Variants in RAB4A observed in about 807,000 individuals in gnomAD.
The protein encoded by RAB4A is RAB4A, member RAS oncogene family.
RAB4A carries 20 observed loss-of-function variants against 34.5 expected under a neutral mutation model. The observed-to-expected ratio is 0.58, with a 90% confidence interval of 0.41 to 0.84. The LOEUF is 0.84. Ranked by LOEUF, RAB4A falls within the 40% of genes least tolerant of loss-of-function variation. The probability of loss-of-function intolerance (pLI) is 0.00; values close to 1 mark genes in which losing one functional copy is unlikely to be tolerated. For missense variants in RAB4A, 228 were observed against 274.5 expected, an observed-to-expected ratio of 0.83 and a Z score of 1.20; for synonymous variants, 102 against 100.0, an observed-to-expected ratio of 1.02 and a Z score of -0.12.
Position 229,295,920 on chromosome 1 carries a change from G to A in RAB4A, c.290+10G>A. The A allele has an allele frequency of 6.2e-7, 1 of 1,613,992 alleles. No individual in the cohort carries two copies. The highest frequency in any genetic ancestry group is 1.3e-5 in the African/African-American group (1 of 75,044). On this transcript the variant is annotated intron_variant, in intron 4 of 7. Coordinates refer to ENST00000366690, the MANE Select transcript of RAB4A (RefSeq NM_004578.4). ...TCTATGATATCACCAGGTAATGCCA[G>A]CTCCCCCTGGTGAAGGAGGGTGCTC...
At chr1:229,300,642 G>A (rs1185259439) in intron 6 of RAB4A, among the ~76,000 whole-genome samples, 1 of 152,118 alleles carries the variant, frequency 6.6e-6, no homozygotes, top group Non-Finnish European at 1.5e-5. Flanking sequence ...GGAGAAGCAG[G>A]GAATGTGAGG....
chr1:229,274,798 C>T (rs1397937652), intron 1 of RAB4A, among the ~76,000 whole-genome samples: 1 of 152,188 alleles, frequency 6.6e-6, no homozygotes, highest in African/African-American at 2.4e-5. Flanking sequence ...AGTGCTGGGG[C>T]AGTTCGAGAG....
intron 6 of RAB4A, among the ~76,000 whole-genome samples, chr1:229,301,796 T>G (rs1202165539): frequency 1.3e-5 from 2 of 152,160 alleles, no homozygotes; most frequent in Non-Finnish European, 2.9e-5. Flanking sequence ...CACGCCTTGC[T>G]TTTTTACTTA....
intron 3 of RAB4A, among the ~76,000 whole-genome samples, chr1:229,290,715 A>G (rs1445349849): frequency 6.6e-6 from 1 of 152,234 alleles, no homozygotes; most frequent in Non-Finnish European, 1.5e-5. Context: ...AAGAGCAGAG[A>G]TTGCATTGGA....
In RAB4A at chr1:229,277,999, G is replaced by A. The variant is rs1656692585; in HGVS notation, c.31+6629G>A. Among the ~76,000 whole-genome samples the A allele has an allele frequency of 1.4e-5, 2 of 148,136 alleles. 1 individual carries two copies. Among genetic ancestry groups the A allele is most frequent in the African/African-American group, 5.3e-5 (2 of 37,704 alleles). On this transcript the variant is annotated intron_variant, in intron 1 of 7. Transcript: ENST00000366690. ...CGTGCCTCAGCCTCCTGAGTCGCTGGGATTACAAGTGTGCGCCACCACGCC... is the reference window on the plus strand; with the variant it reads ...CGTGCCTCAGCCTCCTGAGTCGCTGAGATTACAAGTGTGCGCCACCACGCC...
rs1219847107 is a variant in RAB4A at position 229,293,139 on chromosome 1, C to CCT, written c.228-2709_228-2708insCT. On this transcript the variant is annotated intron_variant, in intron 3 of 7. Coordinates refer to ENST00000366690, the MANE Select transcript of RAB4A (RefSeq NM_004578.4). ...AGATAGGTGTCAATTCAGGCACAGC[C>CCT]TGGTGGAGGAGATGCTTAGGAGACG... Among the ~76,000 whole-genome samples the CCT allele has an allele frequency of 2.6e-5, 4 of 152,242 alleles. 1 individual carries two copies. The highest frequency in any genetic ancestry group is 9.6e-5 in the African/African-American group (4 of 41,460).
chr1:229,298,881 G>T, intron 5 of RAB4A, 96 bp from the exon 6 acceptor site: 1 of 825,892 alleles, frequency 1.2e-6, no homozygotes, highest in Non-Finnish European at 2.0e-6. Context: ...ATTATATTTC[G>T]TCTGCTTTTC....
At chr1:229,271,459 G>A in intron 1 of RAB4A, 89 bp downstream of exon 1, 1 of 1,084,598 alleles carries the variant, frequency 9.2e-7, no homozygotes, top group Admixed American at 4.8e-5. Context: ...GGGGTCTTGA[G>A]GGTGGCGGTG....
chr1:229,302,304 TATA>T (rs1304635724), intron 6 of RAB4A, among the ~76,000 whole-genome samples: 16 of 32,688 alleles, frequency 4.9e-4, no homozygotes, highest in South Asian at 1.0e-3. Context: ...TATATATATA[TATA>T]TATTTTTTTT....
intron 3 of RAB4A, among the ~76,000 whole-genome samples, chr1:229,291,402 G>C (rs533099121): frequency 6.6e-6 from 1 of 152,190 alleles, no homozygotes; most frequent in African/African-American, 2.4e-5. Flanking sequence ...TAGAGGGACA[G>C]TGAGGGAAGA....
rs776521010 is a variant in RAB4A at position 229,286,541 on chromosome 1, A to T, written c.87A>T (p.Leu29Phe). ...IGNAGTGKSC[L>F]LHQFIEKKFK... ...ATGCAGGAACTGGCAAATCTTGCTT[A>T]CTTCATCAGTTTATTGAAAAAAAAT... Residue 29 changes from leucine to phenylalanine, a missense_variant, in exon 2 of 8, where the codon TTA (leucine) becomes TTT (phenylalanine). Transcript: ENST00000366690. 1.3e-6 allele frequency: 2 copies of T among 1,580,322 alleles called. No homozygotes were observed. The highest frequency in any genetic ancestry group is 2.7e-5 in the African/African-American group (2 of 73,144).
At chr1:229,279,467 T>A (rs551730952) in intron 1 of RAB4A, among the ~76,000 whole-genome samples, 69 of 152,338 alleles carry the variant, frequency 4.5e-4, no homozygotes, top group African/African-American at 1.5e-3. Flanking sequence ...AGTATATACC[T>A]TTGATCTACT....
chr1:229,302,801 T>A, intron 6 of RAB4A, 61 bp from the exon 7 acceptor site: 3 of 1,186,982 alleles, frequency 2.5e-6, no homozygotes, highest in Non-Finnish European at 3.7e-6. Context: ...TTTTTTAATC[T>A]ATTTTTGGAA....
At chr1:229,271,498 C>G (rs1656475481) in intron 1 of RAB4A, 128 bp downstream of exon 1, 2 of 753,654 alleles carry the variant, frequency 2.7e-6, no homozygotes, top group Non-Finnish European at 3.3e-6. Context: ...GGACGGATCT[C>G]GGAGGTGTCT....
At chr1:229,298,499 T>C (rs1314903452) in intron 5 of RAB4A, among the ~76,000 whole-genome samples, 1 of 152,248 alleles carries the variant, frequency 6.6e-6, no homozygotes, top group Non-Finnish European at 1.5e-5. Context: ...ACAGCCACTC[T>C]GGTGGGTAGA....
In RAB4A at chr1:229,286,471, CTT is replaced by C; in HGVS notation, c.32-11_32-10del. The C allele has an allele frequency of 2.0e-6, 3 of 1,504,152 alleles. No homozygotes were observed. Among genetic ancestry groups the C allele is most frequent in the South Asian group, 1.2e-5 (1 of 80,754 alleles). The allele number at this position is 1,504,152 out of a possible 1,614,324, so 93.2% of individuals were successfully genotyped here. On this transcript the variant is annotated splice_polypyrimidine_tract_variant and intron_variant, in intron 1 of 7. Coordinates refer to ENST00000366690, the MANE Select transcript of RAB4A (RefSeq NM_004578.4). ...TATTTTGAAGTTATTTTCACAGTCT[CTT>C]TTTATCTTTCAGATTTTTTGTTTAA...
chr1:229,272,903 G>A (rs1035660156), intron 1 of RAB4A, among the ~76,000 whole-genome samples: 1 of 152,240 alleles, frequency 6.6e-6, no homozygotes, highest in African/African-American at 2.4e-5. Context: ...CCTCCAGTAA[G>A]TCGATGCCTT....
At chr1:229,290,448 G>A (rs1161877085) in intron 3 of RAB4A, among the ~76,000 whole-genome samples, 2 of 152,128 alleles carry the variant, frequency 1.3e-5, no homozygotes, top group East Asian at 3.9e-4. Flanking sequence ...GAAAGGAAAG[G>A]CTTGAAGGTA....
At chr1:229,288,345 T>A (rs1656978743) in intron 2 of RAB4A, among the ~76,000 whole-genome samples, 1 of 152,222 alleles carries the variant, frequency 6.6e-6, no homozygotes, top group Admixed American at 6.5e-5. Context: ...CCTCATTACT[T>A]ACTGAGTTCC....
Sources: gnomAD v4.1 joint callset for allele counts (sites outside exome capture counted in the v4.1 genomes callset) on GRCh38, gnomAD v4.1.1 for gene constraint, MANE v1.5 for transcripts, NCBI Gene and HGNC (gene_info 2026-07-23, HGNC 2026-07-21) for gene names.